SLC9A9: variants seen among roughly 807,000 people sequenced by gnomAD.
SLC9A9 encodes the protein solute carrier family 9 member A9.
A neutral mutation model predicts 77.8 loss-of-function variants in SLC9A9; 62 were observed. The observed-to-expected ratio is 0.80, with a 90% CI of 0.65 to 0.98. SLC9A9 has a LOEUF of 0.98. Among genes scored for constraint, SLC9A9 ranks in the 50% least tolerant of loss-of-function variants. SLC9A9 has a pLI of 0.00. For missense variants in SLC9A9, 775 were observed against 774.9 expected (o/e 1.00, Z 0.00); for synonymous variants, 320 against 283.5 (o/e 1.13, Z -1.29).
intron 14 of SLC9A9, among the ~76,000 whole-genome samples, chr3:143,294,276 C>T (rs568474207): frequency 2.8e-4 from 43 of 152,202 alleles, no homozygotes; most frequent in African/African-American, 9.4e-4. Context: ...GTTTACAGCA[C>T]GAAAGCACAC....
At chr3:143,811,703 A>T (rs2008869870) in intron 2 of SLC9A9, 2 of 454,956 alleles carry the variant, frequency 4.4e-6, no homozygotes, top group African/African-American at 4.0e-5. Flanking sequence ...AAAACAAAAA[A>T]ACAAAAAAAT....
intron 4 of SLC9A9, among the ~76,000 whole-genome samples, chr3:143,711,438 G>T (rs911150441): frequency 2.3e-4 from 35 of 152,132 alleles, no homozygotes; most frequent in African/African-American, 7.2e-4. Context: ...TAGAGACAGG[G>T]TCTCACTCTG....
intron 4 of SLC9A9, among the ~76,000 whole-genome samples, chr3:143,723,603 G>A (rs747963063): frequency 9.9e-5 from 15 of 152,174 alleles, no homozygotes; most frequent in African/African-American, 2.7e-4. Context: ...TTTCAGCACC[G>A]TCAGAGCACT....
intron 6 of SLC9A9, among the ~76,000 whole-genome samples, chr3:143,651,949 A>G (rs1204020398): frequency 1.3e-5 from 2 of 149,346 alleles, no homozygotes; most frequent in African/African-American, 2.5e-5. Flanking sequence ...AATGATATTG[A>G]TTTGAAATGA....
At chr3:143,285,424 A>G (rs559055328) in intron 14 of SLC9A9, among the ~76,000 whole-genome samples, 2 of 152,326 alleles carry the variant, frequency 1.3e-5, no homozygotes, top group South Asian at 4.2e-4. Flanking sequence ...GGGTCTGGAA[A>G]CTGAGGCATG....
chr3:143,268,855 G>A lies in SLC9A9; in HGVS notation c.1710+20C>T. 6.4e-7 allele frequency: 1 copy of A among 1,571,408 alleles called. No individual in the cohort carries two copies. On this transcript the variant is annotated intron_variant, in intron 15 of 15. Transcript: ENST00000316549. ...CCACAAGGGATATTCCCTCACCCTA[G>A]AGGCCTGAGATTTACTTACCCCATA...
At chr3:143,554,250 A>T (rs2036939035) in intron 8 of SLC9A9, among the ~76,000 whole-genome samples, 1 of 152,224 alleles carries the variant, frequency 6.6e-6, no homozygotes, top group Non-Finnish European at 1.5e-5. Context: ...GTGGGCCAAG[A>T]ACAGTGCTTG....
intron 14 of SLC9A9, among the ~76,000 whole-genome samples, chr3:143,309,923 C>T (rs889599003): frequency 3.9e-5 from 6 of 152,210 alleles, no homozygotes; most frequent in Non-Finnish European, 7.3e-5. Context: ...AAACCACCCT[C>T]GTCTATGTTG....
chr3:143,817,646 C>A (rs1441221710), intron 2 of SLC9A9, among the ~76,000 whole-genome samples: 1 of 152,100 alleles, frequency 6.6e-6, no homozygotes, highest in Non-Finnish European at 1.5e-5. Context: ...GGATCTAATT[C>A]TTTTTCTTCC....
Position 143,711,885 on chromosome 3 carries a change from C to G in SLC9A9, c.534-18578G>C, listed in dbSNP as rs1934205880. On this transcript the variant is annotated intron_variant, in intron 4 of 15. Coordinates refer to ENST00000316549, the MANE Select transcript of SLC9A9 (RefSeq NM_173653.4). The stretch of plus-strand genomic sequence containing the variant: ...TGTCTCTGACATAATACTAACTGAC[C>G]AAACTCCAGGGCTAGAGCTACATGG... Among the ~76,000 whole-genome samples the G allele has an allele frequency of 2.6e-5, 4 of 152,160 alleles. No individual in the cohort carries two copies. The South Asian group carries it at 8.3e-4, about 32-fold the overall frequency.
intron 14 of SLC9A9, among the ~76,000 whole-genome samples, chr3:143,278,121 G>T (rs766902892): frequency 2.6e-5 from 4 of 152,160 alleles, no homozygotes; most frequent in Non-Finnish European, 1.5e-5. Flanking sequence ...AAGGATCCCA[G>T]GGAGATGCAT....
intron 12 of SLC9A9, among the ~76,000 whole-genome samples, chr3:143,447,183 C>A (rs1251600691): frequency 2.6e-5 from 4 of 152,090 alleles, no homozygotes; most frequent in Non-Finnish European, 4.4e-5. Context: ...ACTGCACAAC[C>A]CAATGAGAAA....
intron 13 of SLC9A9, among the ~76,000 whole-genome samples, chr3:143,364,498 C>T (rs1396014738): frequency 6.6e-6 from 1 of 152,066 alleles, no homozygotes; most frequent in Non-Finnish European, 1.5e-5. Flanking sequence ...ATGTAATGAC[C>T]CACGGAAGAC....
intron 9 of SLC9A9, among the ~76,000 whole-genome samples, chr3:143,543,985 T>A (rs978697406): frequency 1.3e-5 from 2 of 152,224 alleles, no homozygotes; most frequent in Non-Finnish European, 2.9e-5. Flanking sequence ...CTGAACTAAT[T>A]TACATTCCCA....
At chr3:143,648,813 T>C (rs527667202) in intron 6 of SLC9A9, among the ~76,000 whole-genome samples, 1 of 152,314 alleles carries the variant, frequency 6.6e-6, no homozygotes, top group Non-Finnish European at 1.5e-5. Context: ...CTATGAAAGT[T>C]ACTAAAATTT....
chr3:143,678,741 T>C (rs927786528), intron 5 of SLC9A9, among the ~76,000 whole-genome samples: 1 of 152,236 alleles, frequency 6.6e-6, no homozygotes, highest in African/African-American at 2.4e-5. Context: ...TATTCCACTT[T>C]ATAAGCTTTA....
At chr3:143,788,434 T>C (rs914122622) in intron 4 of SLC9A9, among the ~76,000 whole-genome samples, 29 of 152,202 alleles carry the variant, frequency 1.9e-4, no homozygotes, top group Admixed American at 5.9e-4. Flanking sequence ...CTCACGCCTG[T>C]AATCCCAGCA....
chr3:143,788,989 A>T (rs2008139082), intron 4 of SLC9A9, among the ~76,000 whole-genome samples: 1 of 152,186 alleles, frequency 6.6e-6, no homozygotes. Flanking sequence ...TACTTACTAG[A>T]TTGGCAAAAA....
chr3:143,482,005 T>C (rs2035582858), intron 11 of SLC9A9, among the ~76,000 whole-genome samples: 1 of 152,182 alleles, frequency 6.6e-6, no homozygotes, highest in African/African-American at 2.4e-5. Flanking sequence ...ATTCTCACCA[T>C]GGCTTGATCA....
Sources: gnomAD v4.1 joint callset for allele counts (sites outside exome capture counted in the v4.1 genomes callset) on GRCh38, gnomAD v4.1.1 for gene constraint, MANE v1.5 for transcripts, NCBI Gene and HGNC (gene_info 2026-07-23, HGNC 2026-07-21) for gene names.